RIPOR2: variants seen among roughly 807,000 people sequenced by gnomAD.
RIPOR2 encodes the protein rho family-interacting cell polarization regulator 2.
A neutral mutation model predicts 114.5 loss-of-function variants in RIPOR2; 39 were observed. The ratio of observed to expected loss-of-function variants is 0.34; its 90% CI spans 0.26 to 0.44. The LOEUF is 0.44. Among genes scored for constraint, RIPOR2 ranks in the 20% least tolerant of loss-of-function variants. The pLI is 1.00. For missense variants in RIPOR2, 1,007 were observed against 1,255.1 expected, an observed-to-expected ratio of 0.80 and a Z score of 2.99; for synonymous variants, 445 against 484.4, an observed-to-expected ratio of 0.92 and a Z score of 1.07.
chr6:25,001,345 T>C (rs1358365750), intron 1 of RIPOR2, among the ~76,000 whole-genome samples: 1 of 152,104 alleles, frequency 6.6e-6, no homozygotes, highest in African/African-American at 2.4e-5. Context: ...CAGAGAGTAG[T>C]TGGGTGCAGT....
chr6:24,989,896 G>A (rs188784308), intron 1 of RIPOR2, among the ~76,000 whole-genome samples: 3 of 152,126 alleles, frequency 2.0e-5, no homozygotes, highest in African/African-American at 7.2e-5. Flanking sequence ...CAGGCGTGGT[G>A]GTGGGCGCCT....
At chr6:24,915,769 G>A (rs560192517) in intron 1 of RIPOR2, among the ~76,000 whole-genome samples, 38 of 152,132 alleles carry the variant, frequency 2.5e-4, no homozygotes, top group Non-Finnish European at 5.1e-4. Flanking sequence ...ACACAGTGTC[G>A]TTTTAACAAG....
At chr6:25,039,370 T>G (rs184153721) in intron 1 of RIPOR2, among the ~76,000 whole-genome samples, 47 of 152,284 alleles carry the variant, frequency 3.1e-4, no homozygotes, top group African/African-American at 8.7e-4. Context: ...TGTCACTTGA[T>G]CCTGTTCCTG....
chr6:24,830,757 C>T (rs1279457170), intron 16 of RIPOR2, 87 bp from the exon 17 acceptor site: 3 of 1,386,466 alleles, frequency 2.2e-6, no homozygotes, highest in Non-Finnish European at 2.9e-6. Context: ...GCTTTGTTAC[C>T]CAGGCTGGAG....
At chr6:24,848,861 G>A (rs1352748870) in intron 11 of RIPOR2, among the ~76,000 whole-genome samples, 1 of 152,134 alleles carries the variant, frequency 6.6e-6, no homozygotes, top group Non-Finnish European at 1.5e-5. Context: ...ATATTTACTT[G>A]GCAATATACC....
At chr6:24,966,451 C>T (rs1773533550) in intron 1 of RIPOR2, among the ~76,000 whole-genome samples, 2 of 152,144 alleles carry the variant, frequency 1.3e-5, no homozygotes, top group Admixed American at 1.3e-4. Context: ...TTCTTTAATA[C>T]TGCGTTTTTG....
intron 1 of RIPOR2, among the ~76,000 whole-genome samples, chr6:24,887,411 C>A (rs1766934126): frequency 6.6e-6 from 1 of 152,074 alleles, no homozygotes; most frequent in South Asian, 2.1e-4. Context: ...GATGATCATA[C>A]CTAAGTCACC....
chr6:24,898,115 T>C (rs1768069282), intron 1 of RIPOR2, among the ~76,000 whole-genome samples: 1 of 152,066 alleles, frequency 6.6e-6, no homozygotes, highest in Non-Finnish European at 1.5e-5. Flanking sequence ...AGTGTAATGC[T>C]AGGCACAAAA....
chr6:24,862,809 C>G (rs997722310), intron 7 of RIPOR2, among the ~76,000 whole-genome samples: 2 of 150,908 alleles, frequency 1.3e-5, no homozygotes, highest in Non-Finnish European at 3.0e-5. Flanking sequence ...CTGGCACCCC[C>G]CCACCACCCA....
chr6:24,925,236 A>T (rs1045370174), intron 1 of RIPOR2, among the ~76,000 whole-genome samples: 27 of 152,354 alleles, frequency 1.8e-4, no homozygotes, highest in African/African-American at 6.5e-4. Flanking sequence ...GGTGGGTCAT[A>T]AAGGCATAAA....
chr6:24,901,035 C>A (rs955045985), intron 1 of RIPOR2, among the ~76,000 whole-genome samples: 16 of 152,124 alleles, frequency 1.1e-4, no homozygotes, highest in African/African-American at 3.9e-4. Flanking sequence ...CTCTTGTGCC[C>A]AGGAAGGCCT....
intron 1 of RIPOR2, among the ~76,000 whole-genome samples, chr6:24,986,014 G>T (rs1774514294): frequency 6.6e-6 from 1 of 152,246 alleles, no homozygotes; most frequent in African/African-American, 2.4e-5. Context: ...TCTTGATAAT[G>T]GTTCAGTGTG....
rs1375906469 is a variant in RIPOR2, at chr6:24,827,477, C to T, written c.2665+660G>A. ...CCTCATTCCTCTTGTCCCTTTTAAC[C>T]TGCATTGGTCAAGGCTCTGTGGATT... On this transcript the variant is annotated intron_variant, in intron 18 of 21. Coordinates refer to ENST00000643898, the MANE Select transcript of RIPOR2 (RefSeq NM_001286445.3). Among the ~76,000 whole-genome samples the T allele has an allele frequency of 3.3e-4, 50 of 152,218 alleles. 2 individuals are homozygous for T. Among genetic ancestry groups the T allele is most frequent in the Admixed American group, 3.3e-3 (50 of 15,280 alleles).
intron 1 of RIPOR2, among the ~76,000 whole-genome samples, chr6:24,970,331 C>A (rs1193398534): frequency 6.6e-6 from 1 of 152,102 alleles, no homozygotes; most frequent in South Asian, 2.1e-4. Context: ...GTGAGGTGAG[C>A]GGAGGCAGTA....
At chr6:24,903,371 C>T (rs796731633) in intron 1 of RIPOR2, among the ~76,000 whole-genome samples, 40 of 152,196 alleles carry the variant, frequency 2.6e-4, no homozygotes, top group African/African-American at 8.7e-4. Flanking sequence ...CCCCATCTCT[C>T]CATGTATCAG....
chr6:25,001,452 G>A (rs1033352057), intron 1 of RIPOR2, among the ~76,000 whole-genome samples: 2 of 151,584 alleles, frequency 1.3e-5, no homozygotes, highest in Non-Finnish European at 2.9e-5. Context: ...GTGTAACCCC[G>A]TCTCTACTAA....
At position 25,031,698 on chromosome 6, in the gene RIPOR2, GTTAT is replaced by G. The variant is rs1192736113; in HGVS notation, c.76+10149_76+10152del. The stretch of plus-strand genomic sequence containing the variant: ...GGTTAGGTATGTGATGTAGGTGGTA[GTTAT>G]ATATATATATATATATATATATATA... On this transcript the variant is annotated intron_variant, in intron 1 of 13. Coordinates refer to the RIPOR2 transcript ENST00000510784. 3.3e-3 allele frequency among the ~76,000 whole-genome samples: 156 copies of G among 47,998 alleles called. 3 individuals are homozygous for G. Among genetic ancestry groups the G allele is most frequent in the African/African-American group, 8.6e-3 (118 of 13,706 alleles). The allele number at this position is 47,998 out of a possible 152,430, so 31.5% of individuals were successfully genotyped here. A position where few individuals can be genotyped will look rare whatever the true frequency, so the allele number is the denominator to read the frequency against.
At chr6:25,010,857 A>G (rs190636111) in intron 1 of RIPOR2, among the ~76,000 whole-genome samples, 1 of 152,226 alleles carries the variant, frequency 6.6e-6, no homozygotes, top group South Asian at 2.1e-4. Context: ...TTTGAGGAGC[A>G]TATAGGTTAT....
intron 20 of RIPOR2, among the ~76,000 whole-genome samples, chr6:24,811,663 T>TACATTCTAGCTCTCTCCC (rs1562212352): frequency 6.2e-5 from 3 of 48,726 alleles, no homozygotes; most frequent in Admixed American, 4.7e-4. Context: ...AGTACTTTTT[T>TACATTCTAGCTCTCTCCC]TTTTTTTTTT....
Sources: allele counts gnomAD v4.1 joint callset (sites outside exome capture counted in the v4.1 genomes callset), GRCh38; gene constraint gnomAD v4.1.1; transcripts MANE v1.5; gene names NCBI Gene and HGNC (gene_info 2026-07-23, HGNC 2026-07-21).